RPS6KC1: variants seen among roughly 807,000 people sequenced by gnomAD.
RPS6KC1 encodes the protein inactive ribosomal protein S6 kinase delta-1.
RPS6KC1 carries 54 observed loss-of-function variants against 103.8 expected under a neutral mutation model. The observed-to-expected ratio is 0.52, with a 90% CI of 0.42 to 0.65. RPS6KC1 has a LOEUF of 0.65. Ranked by LOEUF, RPS6KC1 falls within the 30% of genes least tolerant of loss-of-function variation. The pLI, the probability that RPS6KC1 is intolerant of heterozygous loss-of-function variation, is 0.00. For missense variants in RPS6KC1, 1,151 were observed against 1,253.8 expected, an observed-to-expected ratio of 0.92 and a Z score of 1.24; for synonymous variants, 439 against 438.7, an observed-to-expected ratio of 1.00 and a Z score of -0.01.
chr1:213,098,279 G>A (rs2081655492), intron 3 of RPS6KC1, among the ~76,000 whole-genome samples: 1 of 151,104 alleles, frequency 6.6e-6, no homozygotes, highest in Non-Finnish European at 1.5e-5. Flanking sequence ...GCATACTACA[G>A]GCATGTGCCA....
the RPS6KC1 span, among the ~76,000 whole-genome samples, chr1:213,446,853 A>G: frequency 6.6e-6 from 1 of 152,152 alleles, no homozygotes; most frequent in East Asian, 1.9e-4. Flanking sequence ...GGTATTTGCC[A>G]CTCGGATACA....
chr1:213,514,165 A>T, the RPS6KC1 span, among the ~76,000 whole-genome samples: 1 of 152,298 alleles, frequency 6.6e-6, no homozygotes, highest in East Asian at 1.9e-4. Flanking sequence ...GCATTCTTAC[A>T]CCTAATTCAC....
the RPS6KC1 span, among the ~76,000 whole-genome samples, chr1:213,786,436 T>G: frequency 2.0e-5 from 3 of 152,188 alleles, no homozygotes; most frequent in African/African-American, 7.2e-5. Context: ...AATTCTATCA[T>G]AGTACAGTGA....
the RPS6KC1 span, among the ~76,000 whole-genome samples, chr1:213,608,215 G>A: frequency 4.3e-4 from 65 of 152,280 alleles, no homozygotes; most frequent in African/African-American, 1.5e-3. Flanking sequence ...AGGGAGGTGG[G>A]GAGGGAGGTG....
At chr1:213,409,463 CTGTT>C in the RPS6KC1 span, among the ~76,000 whole-genome samples, 3 of 151,794 alleles carry the variant, frequency 2.0e-5, no homozygotes, top group Admixed American at 6.6e-5. Flanking sequence ...GGTGTGGAGA[CTGTT>C]TGTGAGGGAG....
intron 4 of RPS6KC1, among the ~76,000 whole-genome samples, chr1:213,110,185 C>G (rs1331016016): frequency 6.6e-6 from 1 of 152,058 alleles, no homozygotes; most frequent in Non-Finnish European, 1.5e-5. Context: ...AAGTTTTTGC[C>G]AAGTCCAACA....
chr1:213,349,359 C>T, the RPS6KC1 span, among the ~76,000 whole-genome samples: 11 of 152,112 alleles, frequency 7.2e-5, no homozygotes, highest in East Asian at 5.8e-4. Context: ...ACGTGGGGGA[C>T]GGTAATGCAT....
chr1:213,638,338 C>A, the RPS6KC1 span, among the ~76,000 whole-genome samples: 131 of 152,122 alleles, frequency 8.6e-4, 3 homozygotes, highest in African/African-American at 2.9e-3. Flanking sequence ...TCATTTCATT[C>A]TCAGAGCAAA....
the RPS6KC1 span, among the ~76,000 whole-genome samples, chr1:213,660,532 C>T: frequency 2.0e-5 from 3 of 152,348 alleles, no homozygotes; most frequent in Admixed American, 1.3e-4. Flanking sequence ...TTTGTACCTA[C>T]TGTGTGCCAA....
At chr1:213,579,548 T>C in the RPS6KC1 span, among the ~76,000 whole-genome samples, 1 of 152,080 alleles carries the variant, frequency 6.6e-6, no homozygotes, top group Non-Finnish European at 1.5e-5. Flanking sequence ...GACAACAGAT[T>C]TTCCATGTAG....
chr1:213,612,753 C>T, the RPS6KC1 span, among the ~76,000 whole-genome samples: 2 of 152,132 alleles, frequency 1.3e-5, no homozygotes, highest in Admixed American at 1.3e-4. Context: ...ATTAAAATAA[C>T]CACTTGGGTT....
intron 12 of RPS6KC1, among the ~76,000 whole-genome samples, chr1:213,251,795 C>T (rs923228000): frequency 1.3e-5 from 2 of 152,154 alleles, no homozygotes; most frequent in African/African-American, 2.4e-5. Context: ...TATATTTATT[C>T]AACAAACATT....
the RPS6KC1 span, among the ~76,000 whole-genome samples, chr1:213,615,547 T>C: frequency 6.6e-6 from 1 of 152,218 alleles, no homozygotes; most frequent in African/African-American, 2.4e-5. Context: ...TCTTTCACCA[T>C]CAGGAAGCCT....
chr1:213,452,687 A>G, the RPS6KC1 span, among the ~76,000 whole-genome samples: 116 of 152,166 alleles, frequency 7.6e-4, 2 homozygotes, highest in Non-Finnish European at 2.1e-4. Flanking sequence ...CCTCCGCAGC[A>G]CAGAGACCTC....
the RPS6KC1 span, among the ~76,000 whole-genome samples, chr1:213,382,218 T>C: frequency 6.6e-6 from 1 of 152,298 alleles, no homozygotes; most frequent in East Asian, 1.9e-4. Flanking sequence ...ATACACACTT[T>C]TCAGCTTTTC....
At chr1:213,351,731 TGA>T in the RPS6KC1 span, among the ~76,000 whole-genome samples, 1 of 152,144 alleles carries the variant, frequency 6.6e-6, no homozygotes, top group East Asian at 1.9e-4. Flanking sequence ...TTGCCAGAGG[TGA>T]CTTCTGGAAC....
intron 6 of RPS6KC1, among the ~76,000 whole-genome samples, chr1:213,150,098 C>T (rs965329684): frequency 2.0e-5 from 3 of 152,048 alleles, no homozygotes; most frequent in Non-Finnish European, 4.4e-5. Flanking sequence ...TTCATCCATT[C>T]AGCCAGTCTA....
At chr1:213,761,955 G>A in the RPS6KC1 span, among the ~76,000 whole-genome samples, 1 of 152,036 alleles carries the variant, frequency 6.6e-6, no homozygotes, top group Non-Finnish European at 1.5e-5. Flanking sequence ...ATTTGATAAA[G>A]TGAGACGAAA....
intron 8 of RPS6KC1, among the ~76,000 whole-genome samples, chr1:213,186,994 A>C (rs535296949): frequency 6.6e-6 from 1 of 151,906 alleles, no homozygotes; most frequent in East Asian, 1.9e-4. Flanking sequence ...TTCATCCTCT[A>C]TTGCCTAGGA....
Sources: gnomAD v4.1 joint callset for allele counts (sites outside exome capture counted in the v4.1 genomes callset) on GRCh38, gnomAD v4.1.1 for gene constraint, MANE v1.5 for transcripts, NCBI Gene and HGNC (gene_info 2026-07-23, HGNC 2026-07-21) for gene names.